RAB38: variants seen among roughly 807,000 people sequenced by gnomAD.
RAB38 encodes ras-related protein Rab-38.
A neutral mutation model predicts 18.4 loss-of-function variants in RAB38; 15 were observed. The ratio of observed to expected loss-of-function variants is 0.82; its 90% CI spans 0.55 to 1.26. The LOEUF (loss-of-function observed/expected upper bound fraction) is 1.26, where lower values mean the gene tolerates loss of function less well. RAB38 is among the 50% of genes most tolerant of loss of function. The pLI, the probability that RAB38 is intolerant of heterozygous loss-of-function variation, is 0.00. For missense variants in RAB38, 294 were observed against 267.4 expected (o/e 1.10, Z -0.69); for synonymous variants, 101 against 104.4 (o/e 0.97, Z 0.20).
chr11:87,879,212 T>C, the RAB38 span, among the ~76,000 whole-genome samples: 1 of 151,694 alleles, frequency 6.6e-6, no homozygotes, highest in Non-Finnish European at 1.5e-5. Context: ...AAGTTGAGCA[T>C]AAAAATTTTC....
the RAB38 span, among the ~76,000 whole-genome samples, chr11:88,078,501 A>ATATGTGTGTGTGTGTGTGTGTGTG: frequency 1.0e-4 from 15 of 148,794 alleles, no homozygotes; most frequent in South Asian, 6.4e-4. Flanking sequence ...GTGTGTATAT[A>ATATGTGTGTGTGTGTGTGTGTGTG]TGTGTGTGTG....
chr11:87,977,653 C>G, the RAB38 span, among the ~76,000 whole-genome samples: 4 of 114,746 alleles, frequency 3.5e-5, no homozygotes, highest in African/African-American at 1.0e-4. Flanking sequence ...ATAAATTATA[C>G]AGTATATAAC....
the RAB38 span, among the ~76,000 whole-genome samples, chr11:88,046,874 C>A: frequency 6.6e-6 from 1 of 152,112 alleles, no homozygotes; most frequent in East Asian, 1.9e-4. Context: ...TTAGAGACTG[C>A]CCTCACCCTA....
the RAB38 span, among the ~76,000 whole-genome samples, chr11:87,919,705 T>C: frequency 6.6e-6 from 1 of 152,020 alleles, no homozygotes; most frequent in Non-Finnish European, 1.5e-5. Context: ...TTTGGTAGAA[T>C]TCAGCATTGA....
intron 2 of RAB38, among the ~76,000 whole-genome samples, chr11:88,123,464 ATTTAC>A (rs1307533311): frequency 6.6e-6 from 1 of 152,188 alleles, no homozygotes; most frequent in African/African-American, 2.4e-5. Flanking sequence ...TCACAAGAAA[ATTTAC>A]TTTACAGGTC....
the RAB38 span, among the ~76,000 whole-genome samples, chr11:87,851,259 A>AC: frequency 1.3e-5 from 2 of 152,128 alleles, no homozygotes; most frequent in African/African-American, 4.8e-5. Flanking sequence ...TAACTTGTAG[A>AC]CCCCTTAAAA....
At chr11:87,958,264 T>C in the RAB38 span, among the ~76,000 whole-genome samples, 1 of 152,194 alleles carries the variant, frequency 6.6e-6, no homozygotes, top group Non-Finnish European at 1.5e-5. Flanking sequence ...TAGGCTCGGC[T>C]AAGCTACAAT....
At chr11:87,935,100 C>G in the RAB38 span, among the ~76,000 whole-genome samples, 1 of 151,516 alleles carries the variant, frequency 6.6e-6, no homozygotes, top group African/African-American at 2.4e-5. Context: ...CAAGGGGACA[C>G]AAACCAAAAA....
the RAB38 span, among the ~76,000 whole-genome samples, chr11:87,866,722 A>G: frequency 1.2e-4 from 18 of 151,880 alleles, no homozygotes; most frequent in South Asian, 3.7e-3. Flanking sequence ...GTAGTTAGTT[A>G]TGGAAGCTCC....
the RAB38 span, among the ~76,000 whole-genome samples, chr11:87,963,179 C>T: frequency 6.6e-6 from 1 of 152,124 alleles, no homozygotes; most frequent in Non-Finnish European, 1.5e-5. Flanking sequence ...TTTCTACCAA[C>T]TCACACATAT....
At chr11:88,107,488 C>G in the RAB38 span, among the ~76,000 whole-genome samples, 1 of 151,942 alleles carries the variant, frequency 6.6e-6, no homozygotes, top group African/African-American at 2.4e-5. Flanking sequence ...TAGCACTATA[C>G]TAAGTGTTTT....
the RAB38 span, among the ~76,000 whole-genome samples, chr11:88,035,650 C>G: frequency 1.3e-5 from 2 of 152,188 alleles, no homozygotes; most frequent in African/African-American, 2.4e-5. Context: ...TGACATTAGA[C>G]ATTTTCTTGA....
chr11:88,157,226 C>T (rs1943138110), intron 1 of RAB38, among the ~76,000 whole-genome samples: 2 of 152,064 alleles, frequency 1.3e-5, no homozygotes, highest in African/African-American at 2.4e-5. Context: ...TTTAAACTGG[C>T]AACAGTCAAA....
chr11:88,173,469 TCTGGA>T, intron 1 of RAB38: 23 of 944,634 alleles, frequency 2.4e-5, no homozygotes, highest in Non-Finnish European at 2.8e-5. Context: ...GCAGTTCAAC[TCTGGA>T]ATTTGGGCTA....
intron 2 of RAB38, among the ~76,000 whole-genome samples, chr11:88,123,763 T>G (rs1371703693): frequency 6.6e-6 from 1 of 152,258 alleles, no homozygotes; most frequent in Admixed American, 6.5e-5. Flanking sequence ...AATACCCATC[T>G]GGCAGAATTA....
rs1942781502 is a variant in RAB38, at chr11:88,132,780, TA to T, written c.483+16894del. On this transcript the variant is annotated intron_variant, in intron 2 of 2. Coordinates refer to ENST00000243662, the MANE Select transcript of RAB38 (RefSeq NM_022337.3). ...AGCCTAGATGTTTTACTTTTAAGGG[TA>T]AAAATAATAGATTAAAAATGAAATT... 2.6e-5 allele frequency among the ~76,000 whole-genome samples: 4 copies of T among 152,266 alleles called. No homozygotes were observed. In the South Asian group the frequency reaches 8.3e-4, roughly 32 times the overall value.
intron 1 of RAB38, among the ~76,000 whole-genome samples, chr11:88,155,673 A>T (rs61696333): frequency 0.25 from 37,438 of 152,148 alleles, 4,654 homozygotes; most frequent in Admixed American, 0.27. Flanking sequence ...CTAGCTTTCC[A>T]GCAAAGGTCC....
At chr11:88,033,607 C>T in the RAB38 span, among the ~76,000 whole-genome samples, 4 of 151,126 alleles carry the variant, frequency 2.6e-5, no homozygotes, top group African/African-American at 4.9e-5. Flanking sequence ...TCTTAGTCAA[C>T]GTTTCCAGTT....
At chr11:88,025,966 T>C in the RAB38 span, among the ~76,000 whole-genome samples, 2 of 152,040 alleles carry the variant, frequency 1.3e-5, no homozygotes, top group Non-Finnish European at 2.9e-5. Flanking sequence ...AGAATGGTGT[T>C]TCCTATGTTT....
Sources: allele counts gnomAD v4.1 joint callset (sites outside exome capture counted in the v4.1 genomes callset), GRCh38; gene constraint gnomAD v4.1.1; transcripts MANE v1.5; gene names NCBI Gene and HGNC (gene_info 2026-07-23, HGNC 2026-07-21).